ULK4: variants seen among roughly 807,000 people sequenced by gnomAD.
The protein encoded by ULK4 is unc-51 like kinase 4.
In ULK4, 133 loss-of-function variants were observed where a neutral mutation model predicts 160.6. The ratio of observed to expected loss-of-function variants is 0.83; its 90% CI spans 0.72 to 0.96. The LOEUF is 0.96. ULK4 is among the 40% of genes least tolerant of loss of function. The pLI is 0.00. For missense variants in ULK4, 1,580 were observed against 1,499.5 expected, an observed-to-expected ratio of 1.05 and a Z score of -0.89; for synonymous variants, 534 against 539.8, an observed-to-expected ratio of 0.99 and a Z score of 0.15.
intron 35 of ULK4, among the ~76,000 whole-genome samples, chr3:41,354,915 G>T (rs903086651): frequency 7.4e-4 from 113 of 152,234 alleles, no homozygotes; most frequent in African/African-American, 2.6e-3. Flanking sequence ...TCTATCTGTG[G>T]ATGCTCCTCC....
intron 16 of ULK4, among the ~76,000 whole-genome samples, chr3:41,892,537 CAT>C (rs751189175): frequency 7.2e-5 from 11 of 152,328 alleles, no homozygotes; most frequent in East Asian, 3.9e-4. Context: ...AATGCTGACA[CAT>C]GTTAGTTATA....
chr3:41,916,071 C>T lies in ULK4; in HGVS notation c.728-19G>A. 1 of 1,514,888 alleles carries T rather than the reference C, an allele frequency of 6.6e-7. No individual in the cohort carries two copies. 93.8% of individuals were successfully genotyped at this position (1,514,888 alleles called of 1,614,324 possible). Reference sequence around the variant, plus strand: ...GAAGAATCTATAAATGAATTAATTTCCAAGAAAAAATGATAAGTAGTAAAT... The same window carrying T: ...GAAGAATCTATAAATGAATTAATTTTCAAGAAAAAATGATAAGTAGTAAAT... On this transcript the variant is annotated intron_variant, in intron 7 of 36. Transcript: ENST00000301831.
At chr3:41,668,718 G>A (rs2035432835) in intron 29 of ULK4, among the ~76,000 whole-genome samples, 1 of 152,170 alleles carries the variant, frequency 6.6e-6, no homozygotes, top group Non-Finnish European at 1.5e-5. Context: ...TAGAAAGGGA[G>A]TTAGGCTGGT....
intron 35 of ULK4, among the ~76,000 whole-genome samples, chr3:41,354,404 T>C (rs1439183177): frequency 6.6e-6 from 1 of 152,202 alleles, no homozygotes; most frequent in Non-Finnish European, 1.5e-5. Context: ...TTCCATAGAT[T>C]GTATCCACTA....
At chr3:41,584,973 A>G (rs2030683959) in intron 31 of ULK4, among the ~76,000 whole-genome samples, 1 of 152,190 alleles carries the variant, frequency 6.6e-6, no homozygotes, top group African/African-American at 2.4e-5. Context: ...TGTACACAAA[A>G]AACTATAAAA....
chr3:41,904,952 G>C (rs1206159528), intron 12 of ULK4, among the ~76,000 whole-genome samples: 1 of 152,190 alleles, frequency 6.6e-6, no homozygotes, highest in Non-Finnish European at 1.5e-5. Flanking sequence ...ATGCAACTGT[G>C]ATTAAAATCC....
chr3:41,589,172 A>T (rs1303159667), intron 31 of ULK4, among the ~76,000 whole-genome samples: 2 of 152,152 alleles, frequency 1.3e-5, no homozygotes, highest in Non-Finnish European at 2.9e-5. Flanking sequence ...AGAAAAAAAT[A>T]AGTGAGGTGA....
At chr3:41,884,918 G>T (rs1348797018) in intron 16 of ULK4, among the ~76,000 whole-genome samples, 4 of 152,148 alleles carry the variant, frequency 2.6e-5, no homozygotes, top group Non-Finnish European at 5.9e-5. Flanking sequence ...TACTTTAAAA[G>T]TAGTCATTTT....
At chr3:41,793,712 T>G (rs1010648123) in intron 20 of ULK4, among the ~76,000 whole-genome samples, 10 of 152,208 alleles carry the variant, frequency 6.6e-5, no homozygotes, top group African/African-American at 2.4e-4. Context: ...AGGAGCCACT[T>G]TACTCAATCT....
At chr3:41,806,386 T>G (rs1350624798) in intron 19 of ULK4, among the ~76,000 whole-genome samples, 1 of 152,076 alleles carries the variant, frequency 6.6e-6, no homozygotes, top group Non-Finnish European at 1.5e-5. Flanking sequence ...TTCTTCTTTA[T>G]TAGTCTTGCT....
chr3:41,846,181 T>A (rs1286430536), intron 17 of ULK4, among the ~76,000 whole-genome samples: 1 of 152,218 alleles, frequency 6.6e-6, no homozygotes, highest in Non-Finnish European at 1.5e-5. Context: ...CATTAAAAAG[T>A]ACTCAACAGA....
chr3:41,618,004 A>C (rs889736986), intron 30 of ULK4, among the ~76,000 whole-genome samples: 1 of 152,226 alleles, frequency 6.6e-6, no homozygotes, highest in African/African-American at 2.4e-5. Context: ...TGAATAGATC[A>C]AGTGGAAGAA....
chr3:41,384,167 A>G (rs1173842905), intron 35 of ULK4, among the ~76,000 whole-genome samples: 3 of 152,146 alleles, frequency 2.0e-5, no homozygotes, highest in African/African-American at 2.4e-5. Flanking sequence ...CTGACATCAC[A>G]TGCTTCTTAA....
At chr3:41,506,795 T>A (rs1263975800) in intron 32 of ULK4, among the ~76,000 whole-genome samples, 19 of 89,146 alleles carry the variant, frequency 2.1e-4, no homozygotes, top group South Asian at 3.9e-4. Flanking sequence ...TATATATATA[T>A]ATATATATAT....
intron 34 of ULK4, among the ~76,000 whole-genome samples, chr3:41,447,788 GTCAA>G (rs2083335625): frequency 6.6e-6 from 1 of 152,114 alleles, no homozygotes; most frequent in South Asian, 2.1e-4. Context: ...ATCCTTTCTT[GTCAA>G]TCAAAGATAG....
At chr3:41,781,050 T>C (rs1011274023) in intron 21 of ULK4, among the ~76,000 whole-genome samples, 9 of 152,024 alleles carry the variant, frequency 5.9e-5, no homozygotes, top group Non-Finnish European at 1.0e-4. Flanking sequence ...GAAAAATATA[T>C]ATTTATACAA....
intron 32 of ULK4, among the ~76,000 whole-genome samples, chr3:41,496,938 G>A (rs2085012967): frequency 6.6e-6 from 1 of 151,452 alleles, no homozygotes; most frequent in Non-Finnish European, 1.5e-5. Context: ...TTCTCTAAAG[G>A]AAGACAACAA....
chr3:41,687,456 A>G (rs916974341), intron 27 of ULK4, among the ~76,000 whole-genome samples: 12 of 152,210 alleles, frequency 7.9e-5, no homozygotes, highest in African/African-American at 2.9e-4. Flanking sequence ...AGGCCTCATC[A>G]GACTACCAAA....
At chr3:41,670,855 G>T (rs1022355924) in intron 29 of ULK4, among the ~76,000 whole-genome samples, 2 of 152,048 alleles carry the variant, frequency 1.3e-5, no homozygotes, top group African/African-American at 4.8e-5. Context: ...TCCTGATTGA[G>T]AGGGAGCAAA....
Sources: allele counts gnomAD v4.1 joint callset (sites outside exome capture counted in the v4.1 genomes callset), GRCh38; gene constraint gnomAD v4.1.1; transcripts MANE v1.5; gene names NCBI Gene and HGNC (gene_info 2026-07-23, HGNC 2026-07-21).